The following LRRC8B variants were observed in gnomAD, a reference collection of about 807,000 sequenced individuals.
The protein encoded by LRRC8B is leucine rich repeat containing 8 VRAC subunit B, also known as volume-regulated anion channel subunit LRRC8B.
LRRC8B carries 23 observed loss-of-function variants against 58.8 expected under a neutral mutation model. The observed-to-expected ratio is 0.39, with a 90% CI of 0.28 to 0.55. LRRC8B has a LOEUF of 0.55. Among genes scored for constraint, LRRC8B ranks in the 20% least tolerant of loss-of-function variants. The pLI is 0.62. For missense variants in LRRC8B, 694 were observed against 936.0 expected, an observed-to-expected ratio of 0.74 and a Z score of 3.37; for synonymous variants, 359 against 374.1, an observed-to-expected ratio of 0.96 and a Z score of 0.47.
chr1:89,583,240 C>T lies in LRRC8B; in HGVS notation c.590C>T (p.Ala197Val), dbSNP rs373272700. ...KILLSSSGCS[A>V]DIDSGKQSLP... is the part of the protein sequence containing the mutation. ...TTGCTTTCGTCCTCAGGGTGTTCAG[C>T]TGACATAGATTCCGGCAAACAGTCA... is the stretch of plus-strand genomic sequence containing the variant. The change falls in exon 5 of 6, where the codon GCT becomes GTT. Residue 197 changes from alanine to valine, a missense_variant. Ala to Val is a moderately conservative substitution (Grantham distance 64). Coordinates refer to ENST00000330947, the MANE Select transcript of LRRC8B (RefSeq NM_001369817.2). This position sits in a 1 kb window ranked among gnomAD's most constrained non-coding sequence, Gnocchi z 5.2. 5 of 1,614,068 alleles carry T rather than the reference C, an allele frequency of 3.1e-6. No individual in the cohort carries two copies. The highest frequency in any genetic ancestry group is 1.3e-5 in the African/African-American group (1 of 74,922).
intron 1 of LRRC8B, among the ~76,000 whole-genome samples, chr1:89,540,590 G>T (rs986438216): frequency 2.0e-5 from 3 of 152,188 alleles, no homozygotes; most frequent in Non-Finnish European, 4.4e-5. Context: ...AGCCAGTGCT[G>T]ACCGTGGCAC....
chr1:89,589,152 T>C (rs1195694227), intron 5 of LRRC8B, among the ~76,000 whole-genome samples: 3 of 152,220 alleles, frequency 2.0e-5, no homozygotes, highest in Admixed American at 1.3e-4. Flanking sequence ...AAAATACTTA[T>C]TCTTCTGGTC....
intron 1 of LRRC8B, among the ~76,000 whole-genome samples, chr1:89,540,180 G>A (rs919856979): frequency 5.3e-5 from 8 of 151,958 alleles, no homozygotes; most frequent in African/African-American, 1.7e-4. Flanking sequence ...GTTTTATGTT[G>A]CTTATATTTT....
rs1655330342 is a variant in LRRC8B, at chr1:89,596,859, T to G, written c.*3816T>G. 1 of 152,216 alleles carries G rather than the reference T, an allele frequency of 6.6e-6. No homozygotes were observed. Among genetic ancestry groups the G allele is most frequent in the Non-Finnish European group, 1.5e-5 (1 of 68,022 alleles). The allele number at this position is 152,216 out of a possible 1,614,324, so 9.4% of individuals were successfully genotyped here. ...TTGCCCATCCTGCAGTATTTAGAGC[T>G]GATCTGTACCCAAAGCAGGACAATG... On this transcript the variant is annotated 3_prime_UTR_variant, in exon 6 of 6. Transcript: ENST00000330947.
chr1:89,541,308 T>C (rs1650949015), intron 1 of LRRC8B, among the ~76,000 whole-genome samples: 1 of 152,224 alleles, frequency 6.6e-6, no homozygotes, highest in South Asian at 2.1e-4. Flanking sequence ...TGGATTGCTG[T>C]TCTCTAAAAC....
chr1:89,560,200 G>A (rs992825534), intron 1 of LRRC8B, among the ~76,000 whole-genome samples: 1 of 152,138 alleles, frequency 6.6e-6, no homozygotes, highest in African/African-American at 2.4e-5. Flanking sequence ...ATTTGATCAG[G>A]TCATGCTGCC....
chr1:89,579,985 T>G (rs1654106861), intron 4 of LRRC8B, among the ~76,000 whole-genome samples: 1 of 152,198 alleles, frequency 6.6e-6, no homozygotes, highest in South Asian at 2.1e-4. Context: ...TTTATCAAGA[T>G]TCTGCTCAGG....
intron 1 of LRRC8B, among the ~76,000 whole-genome samples, chr1:89,545,516 C>T (rs536876673): frequency 1.3e-5 from 2 of 152,302 alleles, no homozygotes; most frequent in African/African-American, 4.8e-5. Flanking sequence ...TCTGCATGCC[C>T]TGTCCAAGGC....
intron 3 of LRRC8B, among the ~76,000 whole-genome samples, chr1:89,569,938 T>C (rs547119522): frequency 1.2e-4 from 19 of 152,236 alleles, no homozygotes; most frequent in African/African-American, 4.6e-4. Flanking sequence ...ATTTAGCCCC[T>C]ACTTATAAGT....
At chr1:89,553,120 A>T (rs1209679261) in intron 1 of LRRC8B, among the ~76,000 whole-genome samples, 4 of 152,220 alleles carry the variant, frequency 2.6e-5, no homozygotes, top group African/African-American at 7.2e-5. Flanking sequence ...GACTTAGTTC[A>T]TGTAGTAATT....
intron 1 of LRRC8B, among the ~76,000 whole-genome samples, chr1:89,528,680 T>C (rs900352633): frequency 1.3e-5 from 2 of 152,240 alleles, no homozygotes; most frequent in South Asian, 4.1e-4. Flanking sequence ...GCTGGTATGA[T>C]GGTTCTACAG....
chr1:89,553,852 A>G (rs1651991005), intron 1 of LRRC8B, among the ~76,000 whole-genome samples: 1 of 152,124 alleles, frequency 6.6e-6, no homozygotes, highest in Non-Finnish European at 1.5e-5. Context: ...ACTCTCTCCA[A>G]TGAATTCTTT....
Position 89,582,833 on chromosome 1 carries a change from A to C in LRRC8B, c.183A>C (p.Glu61Asp). 2.5e-6 allele frequency: 4 copies of C among 1,614,168 alleles called. No homozygotes were observed. The highest frequency in any genetic ancestry group is 2.5e-6 in the Non-Finnish European group (3 of 1,180,034). ...RVLCCLPCKV[E>D]FDNHCAVPWD... ...TGTGCTGTCTTCCATGCAAAGTGGA[A>C]TTTGACAATCACTGTGCCGTGCCTT... The change falls in exon 5 of 6, where the codon GAA (glutamate) becomes GAC (aspartate). Residue 61 changes from glutamate (E) to aspartate (D), a missense_variant. Physicochemically the swap from Glu to Asp is conservative, Grantham distance 45 (BLOSUM62 2). Transcript: ENST00000330947.
chr1:89,583,812 C>G lies in LRRC8B; in HGVS notation c.1162C>G (p.Leu388Val). Residue 388 changes from leucine (L) to valine (V), a missense_variant, in exon 5 of 6, where the codon CTA becomes GTA. Leu to Val is a conservative substitution (Grantham distance 32). This residue lies in a region of LRRC8B where 24 missense variants were observed against 63.2 expected (regional missense o/e 0.38). Coordinates refer to ENST00000330947, the MANE Select transcript of LRRC8B (RefSeq NM_001369817.2). This position sits in a 1 kb window ranked among gnomAD's most constrained non-coding sequence, Gnocchi z 5.2. ...PLYSKRFSIF[L>V]SEVSENKLKQ... is the part of the protein sequence containing the mutation. The stretch of plus-strand genomic sequence containing the variant: ...TTATTCCAAACGCTTCTCCATATTC[C>G]TATCAGAGGTCAGTGAGAACAAACT... 1 of 1,614,166 alleles carries G rather than the reference C, an allele frequency of 6.2e-7. No individual in the cohort carries two copies. The highest frequency in any genetic ancestry group is 8.5e-7 in the Non-Finnish European group (1 of 1,180,028).
At chr1:89,525,722 A>C (rs1297130001) in intron 1 of LRRC8B, among the ~76,000 whole-genome samples, 1 of 152,204 alleles carries the variant, frequency 6.6e-6, no homozygotes, top group African/African-American at 2.4e-5. Flanking sequence ...CTGACTTCCT[A>C]AAGTCCATAG....
At position 89,541,710 on chromosome 1, in the gene LRRC8B, CAAAAAAAAAAAAAAAAAAAAAAAA is replaced by C. The variant is rs61714771; in HGVS notation, c.-241+16704_-241+16727del. Among the ~76,000 whole-genome samples the C allele has an allele frequency of 7.1e-5, 3 of 42,220 alleles. No homozygotes were observed. In the East Asian group the frequency reaches 2.2e-3, roughly 30 times the overall value. The allele number at this position is 42,220 out of a possible 152,430, so 27.7% of individuals were successfully genotyped here. ...TGGGCGACAGAGGGAGACTCCGTCT[CAAAAAAAAAAAAAAAAAAAAAAAA>C]AAAAAAAAAAAAAAAGCTGGCTGTC... is the stretch of plus-strand genomic sequence containing the variant. On this transcript the variant is annotated intron_variant, in intron 1 of 5. Transcript: ENST00000330947.
chr1:89,569,780 G>A (rs922502327), intron 3 of LRRC8B, among the ~76,000 whole-genome samples: 2 of 152,062 alleles, frequency 1.3e-5, no homozygotes, highest in South Asian at 2.1e-4. Context: ...GTGTCATGGG[G>A]GTTTGTGGTA....
At chr1:89,555,047 C>A (rs1652079594) in intron 1 of LRRC8B, among the ~76,000 whole-genome samples, 1 of 152,120 alleles carries the variant, frequency 6.6e-6, no homozygotes. Flanking sequence ...CATTGAAACT[C>A]TGTTTCCAGA....
At chr1:89,566,552 A>G (rs189157960) in intron 1 of LRRC8B, among the ~76,000 whole-genome samples, 23 of 152,352 alleles carry the variant, frequency 1.5e-4, no homozygotes, top group African/African-American at 5.5e-4. Context: ...ACCCAGTTCA[A>G]GTCCTTTGAC....
Sources: allele counts gnomAD v4.1 joint callset (sites outside exome capture counted in the v4.1 genomes callset), GRCh38; gene constraint gnomAD v4.1.1; regional missense constraint gnomAD v4.1.1; non-coding constraint Gnocchi (gnomAD v3.1); transcripts MANE v1.5; gene names NCBI Gene and HGNC (gene_info 2026-07-23, HGNC 2026-07-21).